The following KLHL1 variants were observed in gnomAD, a reference collection of about 807,000 sequenced individuals.
KLHL1 encodes kelch-like protein 1.
In KLHL1, 47 loss-of-function variants were observed where a neutral mutation model predicts 77.7. That is an observed-to-expected ratio of 0.60 (90% CI 0.48 to 0.77). The LOEUF is 0.77. KLHL1 is among the 30% of genes least tolerant of loss of function. The probability of loss-of-function intolerance (pLI) is 0.00; values close to 1 mark genes in which losing one functional copy is unlikely to be tolerated. For missense variants in KLHL1, 925 were observed against 910.8 expected (o/e 1.02, Z -0.20); for synonymous variants, 360 against 325.2 (o/e 1.11, Z -1.15).
chr13:69,825,468 G>A (rs1458012567), intron 6 of KLHL1, among the ~76,000 whole-genome samples: 1 of 152,110 alleles, frequency 6.6e-6, no homozygotes, highest in Non-Finnish European at 1.5e-5. Context: ...TTTGTCATGG[G>A]CAAAGAATAT....
Position 69,839,005 on chromosome 13 carries a change from T to C in KLHL1, c.1385A>G (p.Tyr462Cys), listed in dbSNP as rs1246569130. The change falls in exon 6 of 11, where the codon TAT becomes TGT. Residue 462 changes from tyrosine to cysteine, a missense_variant. Physicochemically the swap from Tyr to Cys is radical, Grantham distance 194. Transcript: ENST00000377844. ...GTTGTTATCCATTCCTCCTACAGCATACAAAGTTCCGACTGTAGATTTTCT... is the reference window on the plus strand; with the variant it reads ...GTTGTTATCCATTCCTCCTACAGCACACAAAGTTCCGACTGTAGATTTTCT... ...KPRKSTVGTLYAVGGMDNNKG... is the reference protein window; with the variant it reads ...KPRKSTVGTLCAVGGMDNNKG... 23 of 1,609,180 alleles carry C rather than the reference T, an allele frequency of 1.4e-5. No homozygotes were observed. Among genetic ancestry groups the C allele is most frequent in the African/African-American group, 2.7e-5 (2 of 74,760 alleles).
At chr13:70,002,068 T>G (rs1003533447) in intron 1 of KLHL1, among the ~76,000 whole-genome samples, 2 of 151,530 alleles carry the variant, frequency 1.3e-5, no homozygotes, top group African/African-American at 4.8e-5. Context: ...ATTAGTAAAA[T>G]AACTGGTTCT....
At chr13:69,948,000 GA>G (rs1397840236) in intron 3 of KLHL1, among the ~76,000 whole-genome samples, 5 of 152,012 alleles carry the variant, frequency 3.3e-5, no homozygotes, top group Non-Finnish European at 7.4e-5. Flanking sequence ...AGATGCCATA[GA>G]AAACTGGCTT....
rs544711418 is a variant in KLHL1 at position 70,107,442 on chromosome 13, G to GGAGGAAGAGGACGGGGAGGACGACGAA, written c.257_258insTTCGTCGTCCTCCCCGTCCTCTTCCTC (p.Ser80_Ser88dup). ...TGCCATTCAGCGGATTGAAGGAAGA[G>GGAGGAAGAGGACGGGGAGGACGACGAA]GAGGAAGAGGACGGGGAGGACGATG... On this transcript the variant is annotated inframe_insertion, in exon 1 of 11. Coordinates refer to ENST00000377844, the MANE Select transcript of KLHL1 (RefSeq NM_020866.3). 1.2e-3 allele frequency: 1,903 copies of GGAGGAAGAGGACGGGGAGGACGACGAA among 1,614,132 alleles called. 18 individuals carry two copies. In the African/African-American group the frequency reaches 0.022, roughly 18 times the overall value.
chr13:69,946,190 AG>A (rs1883519242), intron 3 of KLHL1, among the ~76,000 whole-genome samples: 2 of 152,158 alleles, frequency 1.3e-5, no homozygotes, highest in South Asian at 4.1e-4. Flanking sequence ...GGGATAAGGA[AG>A]AACAACAAGA....
chr13:70,008,492 C>T (rs374576634), intron 1 of KLHL1, among the ~76,000 whole-genome samples: 44 of 152,148 alleles, frequency 2.9e-4, no homozygotes, highest in South Asian at 2.1e-3. Flanking sequence ...GCGTCATTGG[C>T]TATGCACCCA....
Position 70,107,780 on chromosome 13 carries a change from G to A in KLHL1, c.-81C>T. 4 of 1,107,968 alleles carry A rather than the reference G, an allele frequency of 3.6e-6. No individual in the cohort carries two copies. Among genetic ancestry groups the A allele is most frequent in the Non-Finnish European group, 5.0e-6 (4 of 801,380 alleles). The allele number at this position is 1,107,968 out of a possible 1,614,324, so 68.6% of individuals were successfully genotyped here. A position where few individuals can be genotyped will look rare whatever the true frequency, so the allele number is the denominator to read the frequency against. ...CAGGTGGGGGAGGACAGCGGGGCCC[G>A]GGGGCGGAGGAAGAGGCGGGATGCG... On this transcript the variant is annotated 5_prime_UTR_variant, in exon 1 of 11. Coordinates refer to ENST00000377844, the MANE Select transcript of KLHL1 (RefSeq NM_020866.3).
chr13:69,875,476 C>T (rs964219657), intron 5 of KLHL1, among the ~76,000 whole-genome samples: 1 of 152,072 alleles, frequency 6.6e-6, no homozygotes. Flanking sequence ...GGAATCAACC[C>T]TTGATTCAAG....
At chr13:69,782,121 T>C (rs1402870946) in intron 7 of KLHL1, among the ~76,000 whole-genome samples, 1 of 152,080 alleles carries the variant, frequency 6.6e-6, no homozygotes, top group Non-Finnish European at 1.5e-5. Flanking sequence ...TTTTTCTGTT[T>C]TAAGCTCTCT....
intron 4 of KLHL1, 37 bp from the exon 5 acceptor site, chr13:69,882,532 C>A (rs752236573): frequency 4.7e-5 from 68 of 1,452,466 alleles, no homozygotes; most frequent in South Asian, 1.9e-4. Flanking sequence ...AATTCTGTTT[C>A]ACTTTTATTT....
Position 69,768,294 on chromosome 13 carries a change from C to T in KLHL1, c.1640-27738G>A, listed in dbSNP as rs147026557. Among the ~76,000 whole-genome samples, 228 of 152,234 alleles carry T rather than the reference C, an allele frequency of 1.5e-3. 1 individual carries two copies. Among genetic ancestry groups the T allele is most frequent in the African/African-American group, 4.9e-3 (203 of 41,564 alleles). On this transcript the variant is annotated intron_variant, in intron 7 of 10. Transcript: ENST00000377844. ...GGAGTATGTGTCTTCTAAGAGACTA[C>T]AGAATCTGTGAAATATATTTTTTTA...
chr13:69,910,573 A>G (rs571692012), intron 4 of KLHL1, among the ~76,000 whole-genome samples: 163 of 152,272 alleles, frequency 1.1e-3, no homozygotes, highest in African/African-American at 3.7e-3. Flanking sequence ...AAGCTCAGAT[A>G]ATGTTCTAGA....
intron 3 of KLHL1, among the ~76,000 whole-genome samples, chr13:69,943,404 G>C (rs1208430153): frequency 2.0e-5 from 3 of 151,950 alleles, no homozygotes; most frequent in Non-Finnish European, 4.4e-5. Flanking sequence ...AAGCATAAAA[G>C]TGAGCTGATG....
intron 1 of KLHL1, among the ~76,000 whole-genome samples, chr13:70,076,796 A>C (rs996428256): frequency 2.0e-5 from 3 of 151,992 alleles, no homozygotes; most frequent in African/African-American, 7.2e-5. Flanking sequence ...ACAATGAGAA[A>C]AAGAAACAAC....
intron 1 of KLHL1, among the ~76,000 whole-genome samples, chr13:70,067,733 T>G (rs1887043740): frequency 6.6e-6 from 1 of 152,110 alleles, no homozygotes; most frequent in Non-Finnish European, 1.5e-5. Context: ...CAATGAGACT[T>G]TCTAAGAGCT....
chr13:69,916,120 GA>G (rs1882424234), intron 4 of KLHL1, among the ~76,000 whole-genome samples: 1 of 152,024 alleles, frequency 6.6e-6, no homozygotes, highest in South Asian at 2.1e-4. Context: ...GGAGAAATAG[GA>G]ACACTTTTAC....
chr13:69,926,196 C>T (rs1193250293), intron 4 of KLHL1, among the ~76,000 whole-genome samples: 2 of 152,256 alleles, frequency 1.3e-5, no homozygotes, highest in South Asian at 2.1e-4. Flanking sequence ...CATGTGTTTT[C>T]GTGATGTGGA....
In KLHL1 at chr13:69,796,742, A is replaced by C; in HGVS notation, c.1635T>G (p.Gly545=). 6.2e-7 allele frequency: 1 copy of C among 1,606,884 alleles called. No individual in the cohort carries two copies. Among genetic ancestry groups the C allele is most frequent in the Non-Finnish European group, 8.5e-7 (1 of 1,173,384 alleles). ...ATCAATAAAGTAAGATCTTACCTAGACCATGTCTGTGTGTTGACATTGGTG... is the reference window on the plus strand; with the variant it reads ...ATCAATAAAGTAAGATCTTACCTAGCCCATGTCTGTGTGTTGACATTGGTG... ...VLPPMSTHRH[G]LGVTVLEGPI... is the part of the protein sequence containing the mutation. The change falls in exon 7 of 11, where the codon GGT becomes GGG. Residue 545 remains glycine, a synonymous_variant. Transcript: ENST00000377844.
At chr13:69,868,877 T>C (rs968490166) in intron 5 of KLHL1, among the ~76,000 whole-genome samples, 3 of 152,060 alleles carry the variant, frequency 2.0e-5, no homozygotes, top group African/African-American at 2.4e-5. Context: ...AATTCCTACC[T>C]GAAAAAAGTA....
Sources: gnomAD v4.1 joint callset for allele counts (sites outside exome capture counted in the v4.1 genomes callset) on GRCh38, gnomAD v4.1.1 for gene constraint, MANE v1.5 for transcripts, NCBI Gene and HGNC (gene_info 2026-07-23, HGNC 2026-07-21) for gene names.